Variants in SFMBT2 observed in about 807,000 individuals in gnomAD.
The protein encoded by SFMBT2 is scm-like with four MBT domains protein 2.
A neutral mutation model predicts 110.1 loss-of-function variants in SFMBT2; 38 were observed. The observed-to-expected ratio is 0.35, with a 90% CI of 0.27 to 0.45. SFMBT2 has a LOEUF of 0.45. Among genes scored for constraint, SFMBT2 ranks in the 20% least tolerant of loss-of-function variants. The pLI is 1.00. For synonymous variants in SFMBT2, 425 were observed against 425.4 expected (o/e 1.00, Z 0.01); for missense variants, 1,011 against 1,094.9 (o/e 0.92, Z 1.08).
intron 4 of SFMBT2, among the ~76,000 whole-genome samples, chr10:7,335,546 G>T (rs1440712572): frequency 1.4e-5 from 2 of 146,538 alleles, no homozygotes; most frequent in South Asian, 2.2e-4. Context: ...TCTCAAAAAA[G>T]TAACACCTTA....
chr10:7,203,429 C>G (rs556514959), intron 12 of SFMBT2: 180 of 224,254 alleles, frequency 8.0e-4, no homozygotes, highest in African/African-American at 4.1e-3. Context: ...GGTGGGGATG[C>G]CTGACCCCCT....
chr10:7,298,024 G>A (rs145272433), intron 4 of SFMBT2, among the ~76,000 whole-genome samples: 30 of 152,352 alleles, frequency 2.0e-4, no homozygotes, highest in African/African-American at 6.3e-4. Flanking sequence ...ACTGGGGCTC[G>A]CAGGTGAGGC....
chr10:7,318,594 ATGCCT>A (rs1843082063), intron 4 of SFMBT2, among the ~76,000 whole-genome samples: 1 of 152,230 alleles, frequency 6.6e-6, no homozygotes, highest in African/African-American at 2.4e-5. Context: ...TCTGTTAAAT[ATGCCT>A]TGAGCCACAA....
At chr10:7,212,425 G>C (rs896747845) in intron 11 of SFMBT2, among the ~76,000 whole-genome samples, 2 of 152,226 alleles carry the variant, frequency 1.3e-5, no homozygotes, top group African/African-American at 4.8e-5. Context: ...CAGGTGCACG[G>C]AGAGGAACAG....
In SFMBT2 at chr10:7,197,434, G is replaced by T. The variant is rs894931035; in HGVS notation, c.1698+114C>A. On this transcript the variant is annotated intron_variant, in intron 15 of 20. Transcript: ENST00000397167. ...ACAGGATGGAGAGAACGGAGGTCTCGGTAAATGCCAGCTGAACTGCTTCCA... is the reference window on the plus strand; with the variant it reads ...ACAGGATGGAGAGAACGGAGGTCTCTGTAAATGCCAGCTGAACTGCTTCCA... The T allele has an allele frequency of 6.4e-6, 9 of 1,410,402 alleles. No homozygotes were observed. In the African/African-American group the frequency reaches 1.1e-4, roughly 18 times the overall value. 87.4% of individuals were successfully genotyped at this position (1,410,402 alleles called of 1,614,324 possible).
intron 7 of SFMBT2, among the ~76,000 whole-genome samples, chr10:7,270,479 T>C (rs1841547117): frequency 6.6e-6 from 1 of 152,078 alleles, no homozygotes. Flanking sequence ...TTACAAAATA[T>C]AGTTAAGAAA....
rs953729821 is a variant in SFMBT2 at position 7,408,494 on chromosome 10, C to G, written c.-52+2367G>C. Among the ~76,000 whole-genome samples the G allele has an allele frequency of 2.0e-5, 3 of 152,240 alleles. No homozygotes were observed. The highest frequency in any genetic ancestry group is 4.4e-5 in the Non-Finnish European group (3 of 68,034). ...TCTTTGTAACCCTATCATTTAAAAA[C>G]GCTTCCAGGCACCTGGCCGCTGCCA... On this transcript the variant is annotated intron_variant, in intron 1 of 20. Transcript: ENST00000397167. This position sits in a 1 kb window ranked among gnomAD's most constrained non-coding sequence, Gnocchi z 5.7.
intron 4 of SFMBT2, among the ~76,000 whole-genome samples, chr10:7,353,444 G>A (rs1386718988): frequency 6.7e-6 from 1 of 149,062 alleles, no homozygotes; most frequent in Non-Finnish European, 1.5e-5. Context: ...GCTCAATTAT[G>A]ATAAATCCTT....
rs555787840 is a variant in SFMBT2 at position 7,186,827 on chromosome 10, C to T, written c.1808+1797G>A. 2.7e-3 allele frequency among the ~76,000 whole-genome samples: 414 copies of T among 152,260 alleles called. 2 individuals are homozygous for T. Among genetic ancestry groups the T allele is most frequent in the Middle Eastern group, 0.01 (3 of 294 alleles). On this transcript the variant is annotated intron_variant, in intron 16 of 20. Transcript: ENST00000397167. ...CACAGTATCAGAGCAGGAGAGCTCC[C>T]GCTGACTGTAAAGCTGTCATCATTA...
At chr10:7,218,160 G>T (rs1440036227) in intron 11 of SFMBT2, among the ~76,000 whole-genome samples, 2 of 152,156 alleles carry the variant, frequency 1.3e-5, no homozygotes, top group East Asian at 3.9e-4. Flanking sequence ...AATTTAAAGT[G>T]TCAAATAAAT....
intron 1 of SFMBT2, among the ~76,000 whole-genome samples, chr10:7,396,500 A>G (rs1394956505): frequency 6.6e-5 from 10 of 152,196 alleles, no homozygotes. Flanking sequence ...CCCCAATATT[A>G]GGCAAATTTG....
intron 11 of SFMBT2, 23 bp downstream of exon 11, chr10:7,220,388 T>G (rs776514518): frequency 6.2e-7 from 1 of 1,610,162 alleles, no homozygotes; most frequent in East Asian, 2.2e-5. Flanking sequence ...CCCCAGCGAC[T>G]GCTACCCCCA....
At chr10:7,334,764 C>T (rs545273748) in intron 4 of SFMBT2, among the ~76,000 whole-genome samples, 2 of 152,330 alleles carry the variant, frequency 1.3e-5, no homozygotes, top group South Asian at 4.1e-4. Context: ...AATTGTAACT[C>T]GAGTGCTTTG....
chr10:7,287,283 G>C (rs1483858244), intron 4 of SFMBT2: 7 of 157,740 alleles, frequency 4.4e-5, no homozygotes, highest in Non-Finnish European at 8.2e-5. Context: ...GTTTCACCGT[G>C]TTAGCCAAGA....
At chr10:7,202,566 T>C (rs1838992696) in intron 12 of SFMBT2, 44 bp from the exon 13 acceptor site, 1 of 1,614,090 alleles carries the variant, frequency 6.2e-7, no homozygotes, top group South Asian at 1.1e-5. Flanking sequence ...GCTTTGTTAG[T>C]GGGGCAAGTC....
intron 8 of SFMBT2, among the ~76,000 whole-genome samples, chr10:7,247,234 A>G (rs1183429019): frequency 6.6e-6 from 1 of 152,166 alleles, no homozygotes; most frequent in Non-Finnish European, 1.5e-5. Context: ...CTCCTGCCTC[A>G]GCCTCCCAAG....
chr10:7,198,127 T>C (rs549377789), intron 14 of SFMBT2: 2 of 985,408 alleles, frequency 2.0e-6, no homozygotes, highest in African/African-American at 3.5e-5. Flanking sequence ...CTACAAACAA[T>C]ATATGATATA....
At chr10:7,312,929 C>T (rs1842899654) in intron 4 of SFMBT2, among the ~76,000 whole-genome samples, 1 of 152,088 alleles carries the variant, frequency 6.6e-6, no homozygotes, top group South Asian at 2.1e-4. Context: ...GGGATGCTTC[C>T]AGGTTTGGCT....
At chr10:7,387,935 C>A (rs1388884757) in intron 1 of SFMBT2, among the ~76,000 whole-genome samples, 1 of 140,988 alleles carries the variant, frequency 7.1e-6, no homozygotes, top group African/African-American at 2.7e-5. Context: ...GACGACAGAG[C>A]AACTCTGTTT....
Sources: allele counts gnomAD v4.1 joint callset (sites outside exome capture counted in the v4.1 genomes callset), GRCh38; gene constraint gnomAD v4.1.1; non-coding constraint Gnocchi (gnomAD v3.1); transcripts MANE v1.5; gene names NCBI Gene and HGNC (gene_info 2026-07-23, HGNC 2026-07-21).